The following MTMR2 variants were observed in gnomAD, a reference collection of about 807,000 sequenced individuals.
MTMR2 encodes the protein myotubularin related protein 2, also known as phosphatidylinositol-3,5-bisphosphate 3-phosphatase MTMR2.
In MTMR2, 55 loss-of-function variants were observed where a neutral mutation model predicts 86.9. The observed-to-expected ratio is 0.63, with a 90% CI of 0.51 to 0.79. MTMR2 has a LOEUF of 0.79. MTMR2 is among the 30% of genes least tolerant of loss of function. The probability of loss-of-function intolerance (pLI) is 0.00; values close to 1 mark genes in which losing one functional copy is unlikely to be tolerated. For missense variants in MTMR2, 659 were observed against 772.3 expected (o/e 0.85, Z 1.74); for synonymous variants, 241 against 266.8 (o/e 0.90, Z 0.94).
intron 11 of MTMR2, 136 bp downstream of exon 11, chr11:95,844,817 A>C: frequency 1.2e-6 from 1 of 828,348 alleles, no homozygotes. Context: ...AATGCTTTCC[A>C]AAACAAGCAA....
At chr11:95,880,532 G>C (rs961488515) in intron 2 of MTMR2, among the ~76,000 whole-genome samples, 1 of 151,962 alleles carries the variant, frequency 6.6e-6, no homozygotes, top group African/African-American at 2.4e-5. Flanking sequence ...CTCTACTGTG[G>C]CTGTTTCAGC....
intron 2 of MTMR2, among the ~76,000 whole-genome samples, chr11:95,885,153 T>C (rs1275377581): frequency 2.0e-5 from 3 of 152,294 alleles, no homozygotes; most frequent in South Asian, 2.1e-4. Context: ...AAGGTAGTCA[T>C]GTAATTCAGG....
chr11:95,872,935 G>T (rs1486727077), intron 2 of MTMR2, among the ~76,000 whole-genome samples: 1 of 152,154 alleles, frequency 6.6e-6, no homozygotes, highest in Non-Finnish European at 1.5e-5. Context: ...TGTGTATGTT[G>T]AACCAGCCTT....
At chr11:95,886,566 T>C (rs1321513430) in intron 2 of MTMR2, among the ~76,000 whole-genome samples, 1 of 152,168 alleles carries the variant, frequency 6.6e-6, no homozygotes, top group East Asian at 1.9e-4. Context: ...TTCACATGTA[T>C]GTCGAGTTAA....
chr11:95,905,423 C>A (rs372553662), intron 1 of MTMR2, among the ~76,000 whole-genome samples: 1 of 151,680 alleles, frequency 6.6e-6, no homozygotes, highest in Non-Finnish European at 1.5e-5. Context: ...GAAAGGGGAC[C>A]GGCATCCTGT....
At chr11:95,889,617 A>G (rs1865642389) in intron 1 of MTMR2, among the ~76,000 whole-genome samples, 2 of 151,746 alleles carry the variant, frequency 1.3e-5, no homozygotes, top group African/African-American at 4.8e-5. Flanking sequence ...CAGCCTCCCA[A>G]AGTGTCGGGA....
chr11:95,844,113 C>G (rs771734122), intron 11 of MTMR2, among the ~76,000 whole-genome samples: 1 of 152,074 alleles, frequency 6.6e-6, no homozygotes, highest in African/African-American at 2.4e-5. Context: ...ATAGCAACTT[C>G]GAACACCCCA....
At chr11:95,857,941 C>T (rs1246920506) in intron 6 of MTMR2, among the ~76,000 whole-genome samples, 3 of 152,106 alleles carry the variant, frequency 2.0e-5, no homozygotes, top group Admixed American at 6.6e-5. Flanking sequence ...AAAGACATTA[C>T]ATTTAAACAC....
chr11:95,870,806 T>C (rs1403711793), intron 2 of MTMR2, among the ~76,000 whole-genome samples: 4 of 151,408 alleles, frequency 2.6e-5, no homozygotes, highest in Admixed American at 2.6e-4. Context: ...TACATATGTA[T>C]ACATGTGCCA....
chr11:95,867,622 A>G (rs1458916698), intron 2 of MTMR2, among the ~76,000 whole-genome samples: 3 of 152,168 alleles, frequency 2.0e-5, no homozygotes, highest in Non-Finnish European at 4.4e-5. Flanking sequence ...ACTTTTAACA[A>G]TAGGCTTATG....
At chr11:95,906,589 T>A (rs1272751831) in intron 1 of MTMR2, among the ~76,000 whole-genome samples, 1 of 152,166 alleles carries the variant, frequency 6.6e-6, no homozygotes, top group Non-Finnish European at 1.5e-5. Context: ...AACAACATTC[T>A]TCTCATATGC....
At chr11:95,914,721 A>C (rs1296580021) in intron 1 of MTMR2, among the ~76,000 whole-genome samples, 1 of 152,102 alleles carries the variant, frequency 6.6e-6, no homozygotes, top group South Asian at 2.1e-4. Flanking sequence ...ACTACCACCC[A>C]ATCAACCTGC....
intron 11 of MTMR2, among the ~76,000 whole-genome samples, chr11:95,843,847 A>G (rs1042472381): frequency 2.6e-5 from 4 of 152,162 alleles, no homozygotes; most frequent in Non-Finnish European, 5.9e-5. Flanking sequence ...CAATATGGCA[A>G]ATATTGATAT....
intron 11 of MTMR2, among the ~76,000 whole-genome samples, chr11:95,844,032 C>G (rs1004748857): frequency 6.6e-5 from 10 of 152,194 alleles, no homozygotes; most frequent in African/African-American, 2.4e-4. Context: ...TGTCAAGATT[C>G]TATTTTCAGA....
At chr11:95,860,748 T>G (rs1864386608) in intron 5 of MTMR2, among the ~76,000 whole-genome samples, 1 of 152,176 alleles carries the variant, frequency 6.6e-6, no homozygotes, top group African/African-American at 2.4e-5. Flanking sequence ...TATGACTTAA[T>G]GGTAAAAATG....
At chr11:95,848,007 G>T in intron 9 of MTMR2, 108 bp from the exon 10 acceptor site, 1 of 1,089,754 alleles carries the variant, frequency 9.2e-7, no homozygotes, top group Non-Finnish European at 1.4e-6. Flanking sequence ...CTGGAGACAA[G>T]GAAAACTCCA....
chr11:95,882,889 A>ATTTTTTTTTTTTTT (rs776661875), intron 2 of MTMR2, among the ~76,000 whole-genome samples: 4 of 76,078 alleles, frequency 5.3e-5, no homozygotes, highest in East Asian at 3.8e-4. Flanking sequence ...CATCCAGCTA[A>ATTTTTTTTTTTTTT]TTTTTTTTTT....
chr11:95,869,825 T>TATATTAA (rs1555067056), intron 2 of MTMR2, among the ~76,000 whole-genome samples: 1 of 151,930 alleles, frequency 6.6e-6, no homozygotes, highest in African/African-American at 2.4e-5. Context: ...TGGGTCCATT[T>TATATTAA]ATATGAAATT....
chr11:95,897,609 C>T (rs1011967561), intron 1 of MTMR2, among the ~76,000 whole-genome samples: 1 of 152,154 alleles, frequency 6.6e-6, no homozygotes, highest in Non-Finnish European at 1.5e-5. Flanking sequence ...ATATTAGCCA[C>T]AATTCCTTTA....
Sources: allele counts gnomAD v4.1 joint callset (sites outside exome capture counted in the v4.1 genomes callset), GRCh38; gene constraint gnomAD v4.1.1; transcripts MANE v1.5; gene names NCBI Gene and HGNC (gene_info 2026-07-23, HGNC 2026-07-21).